HNF4G: variants seen among roughly 807,000 people sequenced by gnomAD.
HNF4G encodes the protein hepatocyte nuclear factor 4-gamma.
Under a neutral mutation model 50.9 loss-of-function variants are expected in HNF4G, and 21 were observed. The observed-to-expected ratio is 0.41, with a 90% confidence interval of 0.29 to 0.59. The LOEUF is 0.59. Ranked by LOEUF, HNF4G falls within the 20% of genes least tolerant of loss-of-function variation. The pLI is 0.26. For synonymous variants in HNF4G, 198 were observed against 185.6 expected, an observed-to-expected ratio of 1.07 and a Z score of -0.54; for missense variants, 527 against 559.4, an observed-to-expected ratio of 0.94 and a Z score of 0.58.
chr8:75,481,849 CCACTTGTATA>C lies in HNF4G; in HGVS notation c.-143-8226_-143-8217del, dbSNP rs1457837111. ...CCAAACAAAAAAAAATGTGTAATGGCCACTTGTATACACTTGTATACACCTCTGGACTCTG... is the reference window on the plus strand; with the variant it reads ...CCAAACAAAAAAAAATGTGTAATGGCCACTTGTATACACCTCTGGACTCTG... On this transcript the variant is annotated intron_variant, in intron 1 of 10. Coordinates refer to the HNF4G transcript ENST00000354370. 8.6e-5 allele frequency among the ~76,000 whole-genome samples: 13 copies of C among 151,326 alleles called. No homozygotes were observed. The East Asian group carries it at 2.3e-3, about 27-fold the overall frequency.
At chr8:75,456,129 A>T (rs1811717283) in intron 1 of HNF4G, among the ~76,000 whole-genome samples, 1 of 152,086 alleles carries the variant, frequency 6.6e-6, no homozygotes, top group Non-Finnish European at 1.5e-5. Flanking sequence ...ACCTGTCCAG[A>T]GCTTCATATA....
Position 75,478,973 on chromosome 8 carries a change from C to T in HNF4G, c.-143-11116C>T, listed in dbSNP as rs983157783. Among the ~76,000 whole-genome samples, 3 of 152,156 alleles carry T rather than the reference C, an allele frequency of 2.0e-5. No homozygotes were observed. In the East Asian group the frequency reaches 5.8e-4, roughly 29 times the overall value. ...CCGACCTCAGGTGATCTGCCCGCCT[C>T]GGCCTCCCGAAGTGATAGAATTACA... On this transcript the variant is annotated intron_variant, in intron 1 of 10. Transcript: ENST00000354370.
intron 2 of HNF4G, among the ~76,000 whole-genome samples, chr8:75,522,911 A>T (rs1178662386): frequency 6.6e-6 from 1 of 152,110 alleles, no homozygotes; most frequent in African/African-American, 2.4e-5. Context: ...CATCAAAGAA[A>T]CAAAGCCTTT....
intron 1 of HNF4G, among the ~76,000 whole-genome samples, chr8:75,453,987 C>G (rs1354050176): frequency 3.3e-5 from 5 of 151,708 alleles, no homozygotes; most frequent in African/African-American, 1.2e-4. Flanking sequence ...CAGTGGGGCT[C>G]TCATCATGAG....
intron 1 of HNF4G, among the ~76,000 whole-genome samples, chr8:75,424,493 T>C (rs992605864): frequency 2.6e-5 from 4 of 152,192 alleles, no homozygotes; most frequent in Non-Finnish European, 4.4e-5. Context: ...ACTCAGATAG[T>C]GGACGTAATA....
At chr8:75,426,475 T>G (rs1352294258) in intron 1 of HNF4G, among the ~76,000 whole-genome samples, 1 of 152,224 alleles carries the variant, frequency 6.6e-6, no homozygotes, top group Non-Finnish European at 1.5e-5. Context: ...TATCTTCTCT[T>G]ATACCTCTGA....
At chr8:75,552,245 G>A (rs990949713) in intron 4 of HNF4G, among the ~76,000 whole-genome samples, 1 of 151,958 alleles carries the variant, frequency 6.6e-6, no homozygotes, top group African/African-American at 2.4e-5. Flanking sequence ...TAACATCACC[G>A]TTATCATTAT....
chr8:75,551,357 G>C, intron 3 of HNF4G, 31 bp from the exon 4 acceptor site: 1 of 1,243,196 alleles, frequency 8.0e-7, no homozygotes, highest in South Asian at 1.2e-5. Context: ...AAAGAGAAGT[G>C]CTCAATAAAT....
At chr8:75,449,406 T>G (rs1312655547) in intron 1 of HNF4G, among the ~76,000 whole-genome samples, 3 of 152,062 alleles carry the variant, frequency 2.0e-5, no homozygotes, top group African/African-American at 7.2e-5. Context: ...AAAACAAATT[T>G]TTGGTGTACT....
chr8:75,441,084 G>T (rs1291253071), intron 1 of HNF4G, among the ~76,000 whole-genome samples: 1 of 152,018 alleles, frequency 6.6e-6, no homozygotes, highest in Non-Finnish European at 1.5e-5. Flanking sequence ...CTTTTAGATT[G>T]CAGTTCCCAA....
intron 1 of HNF4G, among the ~76,000 whole-genome samples, chr8:75,472,495 C>G (rs563282857): frequency 6.6e-6 from 1 of 152,250 alleles, no homozygotes; most frequent in East Asian, 1.9e-4. Context: ...TGCCTAAGCT[C>G]GTGAGGCTGG....
chr8:75,452,651 G>A (rs558719675), intron 1 of HNF4G, among the ~76,000 whole-genome samples: 30 of 151,240 alleles, frequency 2.0e-4, no homozygotes, highest in Admixed American at 4.6e-4. Flanking sequence ...CCCGGGAGGC[G>A]GAGCTTGCAG....
intron 2 of HNF4G, among the ~76,000 whole-genome samples, chr8:75,521,594 T>C (rs1401901857): frequency 6.6e-6 from 1 of 152,160 alleles, no homozygotes; most frequent in Non-Finnish European, 1.5e-5. Flanking sequence ...ATTCTGGTTC[T>C]AGCAGTTTCA....
intron 2 of HNF4G, among the ~76,000 whole-genome samples, chr8:75,529,185 G>A (rs1032486428): frequency 1.3e-5 from 2 of 152,116 alleles, no homozygotes; most frequent in Admixed American, 1.3e-4. Flanking sequence ...CAGCTACTCT[G>A]GAGGCTGAGG....
At chr8:75,422,151 G>T (rs1015289941) in intron 1 of HNF4G, among the ~76,000 whole-genome samples, 1 of 152,120 alleles carries the variant, frequency 6.6e-6, no homozygotes, top group African/African-American at 2.4e-5. Context: ...TGCTGTGAGG[G>T]GCGGGGAAAT....
At chr8:75,437,161 G>A (rs1811159458) in intron 1 of HNF4G, among the ~76,000 whole-genome samples, 1 of 152,114 alleles carries the variant, frequency 6.6e-6, no homozygotes, top group Non-Finnish European at 1.5e-5. Flanking sequence ...ACAAAGTTTC[G>A]AATATAAAAA....
intron 1 of HNF4G, among the ~76,000 whole-genome samples, chr8:75,454,570 A>G (rs575192273): frequency 3.3e-5 from 5 of 152,272 alleles, no homozygotes; most frequent in Admixed American, 3.3e-4. Flanking sequence ...TGAAGTTTCC[A>G]GAAGACACAG....
chr8:75,528,732 TA>T (rs907829038), intron 2 of HNF4G, among the ~76,000 whole-genome samples: 6 of 152,178 alleles, frequency 3.9e-5, no homozygotes, highest in Admixed American at 2.6e-4. Context: ...ACTGGTTCTC[TA>T]GTTTCATTGT....
chr8:75,560,232 G>A lies in HNF4G; in HGVS notation c.1124-112G>A, dbSNP rs1356413627. The stretch of plus-strand genomic sequence containing the variant: ...CAATTTATTTTTGAATTCCCAAAAA[G>A]CACTTGGCAAAAATAGCGATATTTA... On this transcript the variant is annotated intron_variant, in intron 8 of 9. Coordinates refer to ENST00000396423, the MANE Select transcript of HNF4G (RefSeq NM_004133.5). 5.5e-6 allele frequency: 6 copies of A among 1,092,540 alleles called. No individual in the cohort carries two copies. The Admixed American group carries it at 1.1e-4, about 20-fold the overall frequency. 67.7% of individuals were successfully genotyped at this position (1,092,540 alleles called of 1,614,324 possible).
Sources: gnomAD v4.1 joint callset for allele counts (sites outside exome capture counted in the v4.1 genomes callset) on GRCh38, gnomAD v4.1.1 for gene constraint, MANE v1.5 for transcripts, NCBI Gene and HGNC (gene_info 2026-07-23, HGNC 2026-07-21) for gene names.